Variants in ADAM2 observed in about 807,000 individuals in gnomAD.
ADAM2 encodes disintegrin and metalloproteinase domain-containing protein 2.
In ADAM2, 101 loss-of-function variants were observed where a neutral mutation model predicts 99.3. The observed-to-expected ratio is 1.02, with a 90% CI of 0.87 to 1.20. The LOEUF is 1.20. Ranked by LOEUF, ADAM2 falls within the 50% of genes most tolerant of loss-of-function variation. The pLI is 0.00. For missense variants in ADAM2, 948 were observed against 878.7 expected (o/e 1.08, Z -1.00); for synonymous variants, 323 against 287.6 (o/e 1.12, Z -1.25).
chr8:39,836,301 C>A (rs13253377), intron 2 of ADAM2, among the ~76,000 whole-genome samples: 90,654 of 151,862 alleles, frequency 0.6, 27,936 homozygotes, highest in African/African-American at 0.75. Flanking sequence ...TTATTTTCTA[C>A]TATTATTAAC....
intron 8 of ADAM2, 44 bp from the exon 9 acceptor site, chr8:39,788,295 T>C (rs1803562192): frequency 1.5e-6 from 2 of 1,292,206 alleles, no homozygotes; most frequent in Non-Finnish European, 1.0e-6. Flanking sequence ...AGTCACAGTT[T>C]TTAAAAATTA....
rs1054859552 is a variant in ADAM2 at position 39,754,238 on chromosome 8, A to T, written c.1797+1490T>A. Among the ~76,000 whole-genome samples, 3 of 152,184 alleles carry T rather than the reference A, an allele frequency of 2.0e-5. No individual in the cohort carries two copies. The South Asian group carries it at 6.2e-4, about 32-fold the overall frequency. ...ATTCACTAACTGTGGATATAACCAG[A>T]GTTCCAATCAACCCTTTTGAAGGCC... On this transcript the variant is annotated intron_variant, in intron 16 of 20. Coordinates refer to ENST00000265708, the MANE Select transcript of ADAM2 (RefSeq NM_001464.5).
intron 11 of ADAM2, among the ~76,000 whole-genome samples, chr8:39,772,203 C>A (rs892484057): frequency 1.3e-5 from 2 of 150,544 alleles, no homozygotes; most frequent in East Asian, 3.9e-4. Context: ...TGGAGATTTG[C>A]TGGATGCTTT....
chr8:39,814,631 G>A (rs1470413358), intron 6 of ADAM2, among the ~76,000 whole-genome samples: 1 of 152,026 alleles, frequency 6.6e-6, no homozygotes, highest in African/African-American at 2.4e-5. Context: ...CAGGAAGTTG[G>A]AAGAAAAATG....
chr8:39,805,006 C>T (rs1192652221), intron 7 of ADAM2, among the ~76,000 whole-genome samples: 1 of 152,142 alleles, frequency 6.6e-6, no homozygotes, highest in Non-Finnish European at 1.5e-5. Flanking sequence ...TTATTTCTCA[C>T]AATTCTGGAG....
chr8:39,786,286 A>G (rs1803465155), intron 10 of ADAM2, among the ~76,000 whole-genome samples: 1 of 152,208 alleles, frequency 6.6e-6, no homozygotes, highest in Non-Finnish European at 1.5e-5. Flanking sequence ...TGTATGCCCT[A>G]AATCTAAAAT....
At chr8:39,747,458 A>G (rs1220297879) in intron 18 of ADAM2, among the ~76,000 whole-genome samples, 1 of 152,202 alleles carries the variant, frequency 6.6e-6, no homozygotes, top group African/African-American at 2.4e-5. Flanking sequence ...ATGCATTTAC[A>G]TAAAATACTT....
Position 39,788,154 on chromosome 8 carries a change from A to G in ADAM2, c.740T>C (p.Leu247Ser). ...IATTGEANEL[L>S]HTFLRWKTSY... Reference sequence around the variant, plus strand: ...TGTTTTCCATCTTAAAAATGTGTGTAATAACTCATTAGCTTCTCCAGTGGT... The same window carrying G: ...TGTTTTCCATCTTAAAAATGTGTGTGATAACTCATTAGCTTCTCCAGTGGT... The change falls in exon 9 of 21, where the codon TTA (leucine) becomes TCA (serine). Residue 247 changes from leucine (L) to serine (S), a missense_variant. Physicochemically the swap from Leu to Ser is moderately radical, Grantham distance 145. Transcript: ENST00000265708. The G allele has an allele frequency of 1.9e-6, 3 of 1,590,398 alleles. No individual in the cohort carries two copies. The highest frequency in any genetic ancestry group is 2.6e-6 in the Non-Finnish European group (3 of 1,167,930).
Position 39,802,110 on chromosome 8 carries a change from G to A in ADAM2, c.570+7300C>T, listed in dbSNP as rs372288322. Among the ~76,000 whole-genome samples the A allele has an allele frequency of 6.6e-5, 10 of 152,328 alleles. No homozygotes were observed. In the South Asian group the frequency reaches 1.7e-3, roughly 25 times the overall value. ...TGCGTGTTCCATGGTTGAGACACTA[G>A]GCCCCAGTGGCGTGGGTTCACAAGT... is the stretch of plus-strand genomic sequence containing the variant. On this transcript the variant is annotated intron_variant, in intron 7 of 20. Coordinates refer to ENST00000265708, the MANE Select transcript of ADAM2 (RefSeq NM_001464.5).
rs577063436 is a variant in ADAM2 at position 39,807,077 on chromosome 8, C to T, written c.570+2333G>A. Among the ~76,000 whole-genome samples the T allele has an allele frequency of 1.6e-3, 239 of 152,330 alleles. 1 individual carries two copies. The highest frequency in any genetic ancestry group is 5.4e-3 in the African/African-American group (226 of 41,576). On this transcript the variant is annotated intron_variant, in intron 7 of 20. Transcript: ENST00000265708. ...TTGCCTGTAGCCTTGCTGGCAGGAC[C>T]ACCCAGCGACCCCACCCATGGAAGT...
Position 39,821,582 on chromosome 8 carries a change from C to A in ADAM2, c.344+4G>T. 6.4e-7 allele frequency: 1 copy of A among 1,574,602 alleles called. No homozygotes were observed. The stretch of plus-strand genomic sequence containing the variant: ...TTGTAATTCATAAAACAGTAAATTA[C>A]AACCTGAGTCCAGTACATGTGCTAA... On this transcript the variant is annotated splice_donor_region_variant and intron_variant, in intron 5 of 20. Coordinates refer to ENST00000265708, the MANE Select transcript of ADAM2 (RefSeq NM_001464.5).
At chr8:39,805,989 CA>C (rs113340182) in intron 7 of ADAM2, among the ~76,000 whole-genome samples, 4 of 152,220 alleles carry the variant, frequency 2.6e-5, no homozygotes, top group African/African-American at 9.6e-5. Flanking sequence ...CATCCATGCT[CA>C]GGGGAAATTG....
chr8:39,755,976 T>A lies in ADAM2; in HGVS notation c.1614-65A>T, dbSNP rs1410245039. 3.4e-6 allele frequency: 3 copies of A among 888,362 alleles called. No homozygotes were observed. The African/African-American group carries it at 5.2e-5, about 16-fold the overall frequency. 55.0% of individuals were successfully genotyped at this position (888,362 alleles called of 1,614,324 possible). A position where few individuals can be genotyped will look rare whatever the true frequency, so the allele number is the denominator to read the frequency against. The stretch of plus-strand genomic sequence containing the variant: ...TAGAGAAGTACAAGAATATAATTTT[T>A]AAAATAGATAGATTTAAATAAAGTA... On this transcript the variant is annotated intron_variant, in intron 15 of 20. Transcript: ENST00000265708.
At chr8:39,829,023 T>C (rs551836363) in intron 3 of ADAM2, among the ~76,000 whole-genome samples, 1 of 151,978 alleles carries the variant, frequency 6.6e-6, no homozygotes, top group Non-Finnish European at 1.5e-5. Context: ...AGAAGACATG[T>C]ACAGAAAGAT....
At chr8:39,791,908 A>G (rs1359705484) in intron 7 of ADAM2, among the ~76,000 whole-genome samples, 2 of 152,060 alleles carry the variant, frequency 1.3e-5, no homozygotes, top group Non-Finnish European at 2.9e-5. Context: ...ACACTTAAAA[A>G]CTGTTAAAGT....
At chr8:39,838,034 G>A (rs1000303318) in intron 1 of ADAM2, 97 bp downstream of exon 1, 29 of 1,384,300 alleles carry the variant, frequency 2.1e-5, no homozygotes, top group Non-Finnish European at 2.8e-5. Flanking sequence ...AAACCCCTCA[G>A]GAAAGCATCC....
chr8:39,780,539 A>T (rs1296533316), intron 10 of ADAM2, among the ~76,000 whole-genome samples: 1 of 152,156 alleles, frequency 6.6e-6, no homozygotes, highest in Non-Finnish European at 1.5e-5. Context: ...CCACCCAATA[A>T]TTGCAAACAG....
At chr8:39,749,983 G>A (rs1432879342) in intron 16 of ADAM2, among the ~76,000 whole-genome samples, 1 of 151,962 alleles carries the variant, frequency 6.6e-6, no homozygotes, top group African/African-American at 2.4e-5. Flanking sequence ...TCCCTGCTTA[G>A]ACTGGGATAG....
chr8:39,808,191 C>A (rs971826519), intron 7 of ADAM2, among the ~76,000 whole-genome samples: 1 of 129,530 alleles, frequency 7.7e-6, no homozygotes, highest in Non-Finnish European at 1.6e-5. Context: ...CTAAGGAATA[C>A]ACACACACAC....
Sources: gnomAD v4.1 joint callset for allele counts (sites outside exome capture counted in the v4.1 genomes callset) on GRCh38, gnomAD v4.1.1 for gene constraint, MANE v1.5 for transcripts, NCBI Gene and HGNC (gene_info 2026-07-23, HGNC 2026-07-21) for gene names.